The following CHM variants were observed in gnomAD, a reference collection of about 807,000 sequenced individuals.
The protein encoded by CHM is CHM Rab escort protein.
In CHM, 10 loss-of-function variants were observed where a neutral mutation model predicts 49.0. That is an observed-to-expected ratio of 0.20 (90% confidence interval 0.13 to 0.35). CHM has a LOEUF of 0.35. CHM is among the 10% of genes least tolerant of loss of function. CHM has a pLI of 1.00. For synonymous variants in CHM, 184 were observed against 167.5 expected (o/e 1.10, Z -0.76); for missense variants, 455 against 478.4 (o/e 0.95, Z 0.46).
chrX:86,008,868 C>T (rs1013138700), intron 2 of CHM, among the ~76,000 whole-genome samples: 1 of 112,380 alleles, frequency 8.9e-6, no homozygotes, highest in Non-Finnish European at 1.9e-5. Context: ...TTTGCCAACC[C>T]TTTCAGAACA....
intron 8 of CHM, among the ~76,000 whole-genome samples, chrX:85,921,577 A>G (rs781700858): frequency 1.8e-5 from 2 of 112,231 alleles, no homozygotes; most frequent in Non-Finnish European, 3.8e-5. Context: ...AAACCAAACA[A>G]AAAGGTCTGT....
intron 8 of CHM, among the ~76,000 whole-genome samples, chrX:85,927,999 GC>G (rs1255206922): frequency 8.9e-6 from 1 of 112,033 alleles, no homozygotes; most frequent in Non-Finnish European, 1.9e-5. Context: ...TCTGATTACT[GC>G]TTCAGCTAAT....
intron 1 of CHM, among the ~76,000 whole-genome samples, chrX:86,029,896 T>C (rs942638178): frequency 8.9e-6 from 1 of 111,772 alleles, no homozygotes; most frequent in East Asian, 2.8e-4. Flanking sequence ...TTCAGTTCTG[T>C]TGTTAGCAAG....
intron 12 of CHM, among the ~76,000 whole-genome samples, chrX:85,887,436 TA>T (rs1925153732): frequency 8.9e-6 from 1 of 111,945 alleles, no homozygotes; most frequent in Admixed American, 9.5e-5. Flanking sequence ...AAGTCCATTA[TA>T]AACCTCTTTC....
At chrX:86,017,576 G>A (rs765405200) in intron 2 of CHM, among the ~76,000 whole-genome samples, 16 of 111,106 alleles carry the variant, frequency 1.4e-4, no homozygotes, top group South Asian at 1.2e-3. Flanking sequence ...TTTGCCTCCC[G>A]CCATGATTCT....
chrX:85,994,800 G>A (rs966357753), intron 2 of CHM, among the ~76,000 whole-genome samples: 6 of 111,349 alleles, frequency 5.4e-5, no homozygotes, highest in Admixed American at 9.6e-5. Flanking sequence ...AAATAAGGAG[G>A]AAAAATATAA....
At chrX:86,011,301 C>G (rs1933063213) in intron 2 of CHM, among the ~76,000 whole-genome samples, 1 of 111,179 alleles carries the variant, frequency 9.0e-6, no homozygotes, top group Non-Finnish European at 1.9e-5. Context: ...AATAAGCCAT[C>G]ACTAGAAAGC....
chrX:85,976,502 G>A (rs1382742076), intron 4 of CHM, among the ~76,000 whole-genome samples: 1 of 110,147 alleles, frequency 9.1e-6, no homozygotes, highest in African/African-American at 3.3e-5. Context: ...GGCGCCTGCA[G>A]TCCCAGCTAC....
intron 4 of CHM, chrX:85,970,824 G>T (rs1930854293): frequency 2.6e-6 from 1 of 387,389 alleles, no homozygotes; most frequent in Non-Finnish European, 3.3e-6. Flanking sequence ...CCCACTTATT[G>T]TAAGGAAGAA....
In CHM at chrX:85,952,941, G is replaced by A. The variant is rs747475887; in HGVS notation, c.1166+3212C>T. Among the ~76,000 whole-genome samples, 4 of 112,749 alleles carry A rather than the reference G, an allele frequency of 3.5e-5. No individual in the cohort carries two copies. In the East Asian group the frequency reaches 1.1e-3, roughly 32 times the overall value. The stretch of plus-strand genomic sequence containing the variant: ...GGGTGGCCTGGCAGAACTCCCAGTT[G>A]ACCAGTGGCTGTGGTGGCCACTGGG... On this transcript the variant is annotated intron_variant, in intron 8 of 14. Transcript: ENST00000357749.
At chrX:85,990,780 T>C (rs1932145717) in intron 2 of CHM, among the ~76,000 whole-genome samples, 1 of 111,977 alleles carries the variant, frequency 8.9e-6, no homozygotes, top group African/African-American at 3.2e-5. Context: ...AGGCTGAGCA[T>C]TAAACCCATT....
intron 8 of CHM, among the ~76,000 whole-genome samples, chrX:85,913,534 A>T (rs1363696749): frequency 9.1e-6 from 1 of 109,581 alleles, no homozygotes. Context: ...CAAGGAATGC[A>T]GGCAGCTTCT....
At chrX:85,870,586 G>A (rs1889294519) in intron 14 of CHM, among the ~76,000 whole-genome samples, 1 of 111,922 alleles carries the variant, frequency 8.9e-6, no homozygotes, top group African/African-American at 3.2e-5. Context: ...ATCTCCAAGA[G>A]GGTGGGGCTC....
chrX:86,001,501 G>A (rs183757557), intron 2 of CHM, among the ~76,000 whole-genome samples: 5 of 111,608 alleles, frequency 4.5e-5, no homozygotes, highest in East Asian at 5.6e-4. Context: ...GCCAACATCC[G>A]CTTCTGGAAA....
At chrX:85,973,792 T>G (rs1379238640) in intron 4 of CHM, among the ~76,000 whole-genome samples, 2 of 111,933 alleles carry the variant, frequency 1.8e-5, no homozygotes, top group Non-Finnish European at 3.8e-5. Flanking sequence ...AAGAACAAAG[T>G]AGGGCTTATT....
At chrX:85,886,473 T>C (rs781366866) in intron 12 of CHM, among the ~76,000 whole-genome samples, 43 of 111,920 alleles carry the variant, frequency 3.8e-4, no homozygotes, top group Non-Finnish European at 7.2e-4. Flanking sequence ...CTAAACTATA[T>C]AATTTGCCCA....
chrX:85,902,433 T>C (rs781399517), intron 9 of CHM, among the ~76,000 whole-genome samples: 36 of 111,933 alleles, frequency 3.2e-4, no homozygotes, highest in Non-Finnish European at 6.0e-4. Context: ...GTTGTAAGGA[T>C]AGTCTATGAT....
In CHM at chrX:85,969,798, G is replaced by A. The variant is rs1321037948; in HGVS notation, c.315-5746C>T. ...ACAGCCATAAAAAAAATTAAATCCT[G>A]TCATTTGTGACAACATGGATGAGCC... is the stretch of plus-strand genomic sequence containing the variant. On this transcript the variant is annotated intron_variant, in intron 4 of 14. Transcript: ENST00000357749. The A allele has an allele frequency of 2.7e-5, 3 of 111,987 alleles. No individual in the cohort carries two copies. The East Asian group carries it at 8.4e-4, about 31-fold the overall frequency. The allele number at this position is 111,987 out of a possible 1,213,427, so 9.2% of individuals were successfully genotyped here.
At chrX:86,010,373 GA>G (rs1174629414) in intron 2 of CHM, among the ~76,000 whole-genome samples, 19 of 102,893 alleles carry the variant, frequency 1.8e-4, no homozygotes, top group East Asian at 3.1e-4. Flanking sequence ...AAAAAAGAAA[GA>G]AAAAAATTGG....
Sources: allele counts gnomAD v4.1 joint callset (sites outside exome capture counted in the v4.1 genomes callset), GRCh38; gene constraint gnomAD v4.1.1; transcripts MANE v1.5; gene names NCBI Gene and HGNC (gene_info 2026-07-23, HGNC 2026-07-21).